Variants in ADAMTS12 observed in about 807,000 individuals in gnomAD.
ADAMTS12 encodes A disintegrin and metalloproteinase with thrombospondin motifs 12.
ADAMTS12 carries 118 observed loss-of-function variants against 167.8 expected under a neutral mutation model. The observed-to-expected ratio is 0.70, with a 90% confidence interval of 0.61 to 0.82. The LOEUF is 0.82. ADAMTS12 is among the 40% of genes least tolerant of loss of function. ADAMTS12 has a pLI of 0.00. For synonymous variants in ADAMTS12, 704 were observed against 716.9 expected, an observed-to-expected ratio of 0.98 and a Z score of 0.29; for missense variants, 1,916 against 1,998.8, an observed-to-expected ratio of 0.96 and a Z score of 0.79.
intron 2 of ADAMTS12, among the ~76,000 whole-genome samples, chr5:33,775,750 G>C (rs1196237314): frequency 6.6e-6 from 1 of 152,172 alleles, no homozygotes; most frequent in Non-Finnish European, 1.5e-5. Context: ...GGTGCAGAGA[G>C]AGACCCTCCA....
intron 18 of ADAMTS12, among the ~76,000 whole-genome samples, chr5:33,579,735 T>C (rs370776510): frequency 5.2e-4 from 79 of 152,362 alleles, no homozygotes; most frequent in African/African-American, 1.8e-3. Context: ...CACCTACCTT[T>C]GCAGGCTACT....
At chr5:33,796,276 A>T (rs1462716189) in intron 2 of ADAMTS12, among the ~76,000 whole-genome samples, 1 of 152,204 alleles carries the variant, frequency 6.6e-6, no homozygotes, top group Non-Finnish European at 1.5e-5. Context: ...CAGTAAAGGA[A>T]AGGAACACAC....
At chr5:33,547,736 G>C (rs899953436) in intron 21 of ADAMTS12, among the ~76,000 whole-genome samples, 1 of 152,086 alleles carries the variant, frequency 6.6e-6, no homozygotes, top group Admixed American at 6.5e-5. Context: ...AGCTACAGAG[G>C]AAACATAAAG....
chr5:33,551,797 A>G (rs1441062477), intron 20 of ADAMTS12, among the ~76,000 whole-genome samples: 1 of 152,220 alleles, frequency 6.6e-6, no homozygotes. Context: ...TTCCATTTTC[A>G]AAAGAGCCTC....
chr5:33,736,032 C>CG (rs33995090), intron 3 of ADAMTS12, among the ~76,000 whole-genome samples: 4,838 of 150,784 alleles, frequency 0.032, 259 homozygotes, highest in African/African-American at 0.11. Context: ...TAAAGGCATC[C>CG]GAACAACTGT....
intron 2 of ADAMTS12, among the ~76,000 whole-genome samples, chr5:33,878,872 C>A (rs1481560147): frequency 6.6e-6 from 1 of 152,100 alleles, no homozygotes; most frequent in Non-Finnish European, 1.5e-5. Flanking sequence ...TCATGTTGAG[C>A]CAGGGTTAAC....
At chr5:33,796,935 G>GT (rs752762964) in intron 2 of ADAMTS12, among the ~76,000 whole-genome samples, 2 of 152,200 alleles carry the variant, frequency 1.3e-5, no homozygotes, top group Non-Finnish European at 2.9e-5. Flanking sequence ...GATGAACTCA[G>GT]TGATTGTTGA....
intron 11 of ADAMTS12, among the ~76,000 whole-genome samples, chr5:33,639,862 C>T (rs1336179330): frequency 1.3e-5 from 2 of 152,230 alleles, no homozygotes; most frequent in Non-Finnish European, 2.9e-5. Flanking sequence ...CCTGAGTAAG[C>T]TTCTGTTCCT....
intron 2 of ADAMTS12, among the ~76,000 whole-genome samples, chr5:33,762,425 G>A (rs1179347378): frequency 1.3e-5 from 2 of 149,734 alleles, no homozygotes; most frequent in African/African-American, 4.9e-5. Flanking sequence ...GGAGAATGGT[G>A]TGAACCCGGG....
At chr5:33,671,259 CCT>C (rs2112236917) in intron 5 of ADAMTS12, among the ~76,000 whole-genome samples, 1 of 152,216 alleles carries the variant, frequency 6.6e-6, no homozygotes, top group East Asian at 1.9e-4. Context: ...GTCACACAAA[CCT>C]ATATGTGTGA....
At position 33,705,266 on chromosome 5, in the gene ADAMTS12, GGTGTGTGT is replaced by G. The variant is rs70964413; in HGVS notation, c.635-21219_635-21212del. 9.4e-3 allele frequency among the ~76,000 whole-genome samples: 1,359 copies of G among 144,006 alleles called. 17 individuals are homozygous for G. Among genetic ancestry groups the G allele is most frequent in the African/African-American group, 0.033 (1,284 of 38,798 alleles). 94.5% of individuals were successfully genotyped at this position (144,006 alleles called of 152,430 possible). A position where few individuals can be genotyped will look rare whatever the true frequency, so the allele number is the denominator to read the frequency against. ...TTTTTATGGCCAAGTAGTATTCCAT[GGTGTGTGT>G]GTGTGTGTGTGTGTGTGTGTGTGTG... is the stretch of plus-strand genomic sequence containing the variant. On this transcript the variant is annotated intron_variant, in intron 3 of 23. Transcript: ENST00000504830.
chr5:33,808,155 A>G (rs988674003), intron 2 of ADAMTS12, among the ~76,000 whole-genome samples: 5 of 152,224 alleles, frequency 3.3e-5, no homozygotes, highest in Non-Finnish European at 7.3e-5. Context: ...TCTTCGGTGT[A>G]GTCAGAAGGA....
chr5:33,616,915 C>T (rs1313356742), intron 14 of ADAMTS12, among the ~76,000 whole-genome samples: 1 of 152,172 alleles, frequency 6.6e-6, no homozygotes, highest in Non-Finnish European at 1.5e-5. Flanking sequence ...AAGCTCTATG[C>T]TAAACATTTT....
chr5:33,561,116 A>C lies in ADAMTS12; in HGVS notation c.4036T>G (p.Ser1346Ala), dbSNP rs149052805. The change falls in exon 20 of 24, where the codon TCT (serine) becomes GCT (alanine). Residue 1346 changes from serine (S) to alanine (A), a missense_variant. Transcript: ENST00000504830. Reference sequence around the variant, plus strand: ...GGTCTCTGGATGGCCGCACAGTCAGAATCCATCTGGGTGCTGCACTCCACC... The same window carrying C: ...GGTCTCTGGATGGCCGCACAGTCAGCATCCATCTGGGTGCTGCACTCCACC... ...RRVECSTQMD[S>A]DCAAIQRPDP... The C allele has an allele frequency of 3.7e-6, 6 of 1,614,028 alleles. No individual in the cohort carries two copies. The African/African-American group carries it at 8.0e-5, about 22-fold the overall frequency.
chr5:33,717,271 C>T (rs545193191), intron 3 of ADAMTS12, among the ~76,000 whole-genome samples: 2 of 152,126 alleles, frequency 1.3e-5, no homozygotes, highest in Non-Finnish European at 2.9e-5. Flanking sequence ...TAAACCACCC[C>T]TCTCTGCACC....
chr5:33,755,388 G>A (rs1745132115), intron 2 of ADAMTS12, among the ~76,000 whole-genome samples: 2 of 152,210 alleles, frequency 1.3e-5, no homozygotes, highest in African/African-American at 4.8e-5. Flanking sequence ...GACCTCCACT[G>A]CTCTTTGATG....
In ADAMTS12 at chr5:33,555,370, G is replaced by A. The variant is rs530402091; in HGVS notation, c.4125+5657C>T. ...AGTGATCCGTCCACCTCAGCCTCCC[G>A]AGTAGCTGGGACTACAGGCATGTGC... is the stretch of plus-strand genomic sequence containing the variant. On this transcript the variant is annotated intron_variant, in intron 20 of 23. Coordinates refer to ENST00000504830, the MANE Select transcript of ADAMTS12 (RefSeq NM_030955.4). Among the ~76,000 whole-genome samples the A allele has an allele frequency of 1.8e-4, 28 of 152,150 alleles. 1 individual carries two copies. In the South Asian group the frequency reaches 5.4e-3, roughly 29 times the overall value.
intron 2 of ADAMTS12, among the ~76,000 whole-genome samples, chr5:33,822,747 T>C (rs1747910611): frequency 1.3e-5 from 2 of 151,960 alleles, no homozygotes; most frequent in African/African-American, 4.8e-5. Flanking sequence ...AAATAAAAAA[T>C]AAAATCATGA....
chr5:33,823,680 T>C (rs1286085181), intron 2 of ADAMTS12, among the ~76,000 whole-genome samples: 3 of 151,896 alleles, frequency 2.0e-5, no homozygotes, highest in African/African-American at 7.3e-5. Flanking sequence ...AGAAGAAACT[T>C]CACATGTTTA....
Sources: allele counts gnomAD v4.1 joint callset (sites outside exome capture counted in the v4.1 genomes callset), GRCh38; gene constraint gnomAD v4.1.1; transcripts MANE v1.5; gene names NCBI Gene and HGNC (gene_info 2026-07-23, HGNC 2026-07-21).